Variants in TPO observed in about 807,000 individuals in gnomAD.
TPO encodes the protein thyroid microsomal antigen.
In TPO, 78 loss-of-function variants were observed where a neutral mutation model predicts 96.9. The observed-to-expected ratio is 0.81, with a 90% CI of 0.67 to 0.97. The LOEUF (loss-of-function observed/expected upper bound fraction) is 0.97, where lower values mean the gene tolerates loss of function less well. TPO is among the 50% of genes least tolerant of loss of function. The probability of loss-of-function intolerance (pLI) is 0.00; values close to 1 mark genes in which losing one functional copy is unlikely to be tolerated. For missense variants in TPO, 1,252 were observed against 1,274.8 expected, an observed-to-expected ratio of 0.98 and a Z score of 0.27; for synonymous variants, 547 against 538.0, an observed-to-expected ratio of 1.02 and a Z score of -0.23.
chr2:1,499,529 C>G (rs1485280617), intron 13 of TPO, among the ~76,000 whole-genome samples: 1 of 152,112 alleles, frequency 6.6e-6, no homozygotes, highest in African/African-American at 2.4e-5. Flanking sequence ...TGGTGGGCTC[C>G]CTGGCTGCAG....
intron 7 of TPO, among the ~76,000 whole-genome samples, chr2:1,464,411 C>A (rs910366177): frequency 3.3e-5 from 5 of 152,130 alleles, no homozygotes; most frequent in Non-Finnish European, 7.3e-5. Flanking sequence ...TGGGTAGATA[C>A]CCAGGAATGG....
Position 1,496,137 on chromosome 2 carries a change from G to A in TPO, c.2155G>A (p.Glu719Lys), listed in dbSNP as rs201782331. 2.8e-5 allele frequency: 45 copies of A among 1,613,986 alleles called. 1 individual carries two copies. Among genetic ancestry groups the A allele is most frequent in the Non-Finnish European group, 3.8e-5 (45 of 1,180,010 alleles). ...FQVGKFPEDF[E>K]SCDSITGMNL... ...AGTCGGCAAATTCCCCGAAGACTTT[G>A]AGTCTTGTGACAGCATCACTGGCAT... Residue 719 changes from glutamate to lysine, a missense_variant, in exon 12 of 17, where the codon GAG becomes AAG. Glu to Lys is a moderately conservative substitution (Grantham distance 56, BLOSUM62 1). Transcript: ENST00000329066.
chr2:1,442,139 G>A (rs979214225), intron 5 of TPO, among the ~76,000 whole-genome samples: 2 of 152,174 alleles, frequency 1.3e-5, no homozygotes, highest in Non-Finnish European at 2.9e-5. Flanking sequence ...GCCTCCACGT[G>A]GAATCGTAAG....
At chr2:1,505,268 T>A (rs1573464496) in intron 14 of TPO, among the ~76,000 whole-genome samples, 1 of 85,224 alleles carries the variant, frequency 1.2e-5, no homozygotes, top group Non-Finnish European at 2.5e-5. Flanking sequence ...GCGCACCCCC[T>A]CCTGTGTCAG....
At chr2:1,536,171 T>G (rs112530894) in intron 15 of TPO, among the ~76,000 whole-genome samples, 1,933 of 15,560 alleles carry the variant, frequency 0.12, 311 homozygotes, top group Middle Eastern at 0.17. Flanking sequence ...CCCAATGTGT[T>G]CAAGCCCCCC....
intron 15 of TPO, among the ~76,000 whole-genome samples, chr2:1,535,480 G>A (rs1456518291): frequency 6.9e-5 from 2 of 28,938 alleles, no homozygotes; most frequent in South Asian, 1.5e-3. Flanking sequence ...GCCCCACTCC[G>A]TGCAACCTCC....
chr2:1,389,519 T>G (rs564320854), intron 1 of TPO, among the ~76,000 whole-genome samples: 24 of 152,254 alleles, frequency 1.6e-4, no homozygotes, highest in South Asian at 8.3e-4. Context: ...CCTCATCAGA[T>G]TGTTAATTAA....
At chr2:1,508,132 A>G (rs1404857888) in intron 14 of TPO, among the ~76,000 whole-genome samples, 2 of 152,048 alleles carry the variant, frequency 1.3e-5, no homozygotes, top group Non-Finnish European at 2.9e-5. Flanking sequence ...TTCTGCATCT[A>G]TTGAGATAAT....
At chr2:1,401,894 G>A (rs1348819912) in intron 1 of TPO, among the ~76,000 whole-genome samples, 10 of 152,176 alleles carry the variant, frequency 6.6e-5, no homozygotes. Flanking sequence ...AAGGGTATAG[G>A]TTAGGAGTCA....
At position 1,414,180 on chromosome 2, in the gene TPO, G is replaced by A. The variant is rs142425225; in HGVS notation, c.-1-228G>A. On this transcript the variant is annotated intron_variant, in intron 1 of 16. Transcript: ENST00000329066. Reference sequence around the variant, plus strand: ...CTGCCAACATAAAAACTCTGTTTTTGAATAATGGGGGCCTGGGAGGCCTGC... The same window carrying A: ...CTGCCAACATAAAAACTCTGTTTTTAAATAATGGGGGCCTGGGAGGCCTGC... Among the ~76,000 whole-genome samples, 420 of 152,252 alleles carry A rather than the reference G, an allele frequency of 2.8e-3. 7 individuals carry two copies. The highest frequency in any genetic ancestry group is 9.6e-3 in the African/African-American group (400 of 41,542).
At chr2:1,541,079 A>AAT (rs1680709044) in intron 16 of TPO, 8 of 1,224,770 alleles carry the variant, frequency 6.5e-6, no homozygotes, top group Non-Finnish European at 8.3e-6. Context: ...TTTTAAGTGG[A>AAT]ATAGTTATAA....
chr2:1,482,133 GAGTC>G (rs1400958379), intron 8 of TPO, among the ~76,000 whole-genome samples: 2 of 152,234 alleles, frequency 1.3e-5, no homozygotes, highest in African/African-American at 4.8e-5. Flanking sequence ...AAGCAGTCGA[GAGTC>G]AGAAAGTTCA....
chr2:1,418,234 G>T (rs1479840959), intron 2 of TPO, among the ~76,000 whole-genome samples: 2 of 149,172 alleles, frequency 1.3e-5, no homozygotes, highest in African/African-American at 5.0e-5. Context: ...TTGCAGAGTC[G>T]AGATCACACC....
At chr2:1,387,008 A>T (rs558236232) in intron 1 of TPO, among the ~76,000 whole-genome samples, 1 of 152,286 alleles carries the variant, frequency 6.6e-6, no homozygotes, top group South Asian at 2.1e-4. Flanking sequence ...TGGGTTGAAA[A>T]TTCTTTTCTT....
chr2:1,516,899 T>C lies in TPO; in HGVS notation c.2535T>C (p.Pro845=), dbSNP rs935877877. 3 of 1,613,950 alleles carry C rather than the reference T, an allele frequency of 1.9e-6. No individual in the cohort carries two copies. ...GRTCVDSGRL[P]RVTWISMSLA... ...GTGCCCCAGACTCCGGGAGGCTCCC[T>C]CGGGTGACTTGGATCTCCATGTCGC... The change falls in exon 15 of 17, where the codon CCT becomes CCC. Residue 845 remains proline (P), a synonymous_variant. Transcript: ENST00000329066.
At position 1,529,065 on chromosome 2, in the gene TPO, ACT is replaced by A. The variant is rs1677340317; in HGVS notation, c.2619-11528_2619-11527del. On this transcript the variant is annotated intron_variant, in intron 15 of 16. Coordinates refer to ENST00000329066, the MANE Select transcript of TPO (RefSeq NM_001206744.2). ...TCCCCAAATCTCCCCAGTGTGTGCAACTTCCCTAAATCCCCCCAACTGTGTTT... is the reference window on the plus strand; with the variant it reads ...TCCCCAAATCTCCCCAGTGTGTGCAATCCCTAAATCCCCCCAACTGTGTTT... Among the ~76,000 whole-genome samples the A allele has an allele frequency of 6.4e-4, 85 of 132,026 alleles. 1 individual carries two copies. Among genetic ancestry groups the A allele is most frequent in the African/African-American group, 2.4e-3 (77 of 32,428 alleles). 86.6% of individuals were successfully genotyped at this position (132,026 alleles called of 152,430 possible).
rs1450380202 is a variant in TPO, at chr2:1,542,245, G to T, written c.2749-176G>T. On this transcript the variant is annotated intron_variant, in intron 16 of 16. Coordinates refer to ENST00000329066, the MANE Select transcript of TPO (RefSeq NM_001206744.2). ...TGTGGCCTCCTGCAAACAAGCATTT[G>T]TCCGGAAGCCAGAAACTTCCCTCCA... is the stretch of plus-strand genomic sequence containing the variant. 2.7e-5 allele frequency: 23 copies of T among 847,366 alleles called. 1 individual carries two copies. The highest frequency in any genetic ancestry group is 8.6e-5 in the Admixed American group (4 of 46,258). The allele number at this position is 847,366 out of a possible 1,614,324, so 52.5% of individuals were successfully genotyped here. A position where few individuals can be genotyped will look rare whatever the true frequency, so the allele number is the denominator to read the frequency against.
At chr2:1,377,455 G>A (rs1160160691) in intron 1 of TPO, among the ~76,000 whole-genome samples, 1 of 152,158 alleles carries the variant, frequency 6.6e-6, no homozygotes, top group Non-Finnish European at 1.5e-5. Flanking sequence ...CCCTTACCTC[G>A]CCGTGGCTCA....
At chr2:1,415,797 G>C (rs73183009) in intron 2 of TPO, among the ~76,000 whole-genome samples, 2 of 152,144 alleles carry the variant, frequency 1.3e-5, no homozygotes. Flanking sequence ...TGGAGTCCTC[G>C]CTGTTCCCAG....
Sources: allele counts gnomAD v4.1 joint callset (sites outside exome capture counted in the v4.1 genomes callset), GRCh38; gene constraint gnomAD v4.1.1; transcripts MANE v1.5; gene names NCBI Gene and HGNC (gene_info 2026-07-23, HGNC 2026-07-21).